PHF8: variants seen among roughly 807,000 people sequenced by gnomAD.
The protein encoded by PHF8 is histone lysine demethylase PHF8.
Under a neutral mutation model 74.4 loss-of-function variants are expected in PHF8, and 9 were observed. That is an observed-to-expected ratio of 0.12 (90% CI 0.07 to 0.21). The LOEUF is 0.21. Ranked by LOEUF, PHF8 falls within the 10% of genes least tolerant of loss-of-function variation. The pLI is 1.00. For missense variants in PHF8, 478 were observed against 816.6 expected (o/e 0.59, Z 5.05); for synonymous variants, 311 against 316.6 (o/e 0.98, Z 0.19).
intron 2 of PHF8, among the ~76,000 whole-genome samples, chrX:54,031,646 C>T (rs1029910298): frequency 3.6e-5 from 4 of 109,719 alleles, no homozygotes; most frequent in Admixed American, 2.9e-4. Flanking sequence ...TGCCCCATTA[C>T]TCTAGTCCCC....
Position 53,938,384 on chromosome X carries a change from A to T in PHF8, c.*774T>A. The T allele has an allele frequency of 4.6e-6, 4 of 877,305 alleles. No individual in the cohort carries two copies. Among genetic ancestry groups the T allele is most frequent in the Non-Finnish European group, 5.6e-6 (4 of 715,589 alleles). 72.3% of individuals were successfully genotyped at this position (877,305 alleles called of 1,213,427 possible). On this transcript the variant is annotated 3_prime_UTR_variant, in exon 22 of 22. Transcript: ENST00000338154. ...TTTCAAAATCCAGGCAAATCCCTGG[A>T]GCTCACCCTAAAACAAGTGGCCTCA...
rs142630105 is a variant in PHF8 at position 53,940,446 on chromosome X, C to A, written c.2720G>T (p.Arg907Leu). The A allele has an allele frequency of 8.3e-7, 1 of 1,207,970 alleles. No homozygotes were observed. The highest frequency in any genetic ancestry group is 2.2e-5 in the Admixed American group (1 of 45,877). The change falls in exon 21 of 22, where the codon CGC (arginine) becomes CTC (leucine). Residue 907 changes from arginine (R) to leucine (L), a missense_variant. By Grantham distance (102) the Arg-to-Leu change is moderately radical. Coordinates refer to ENST00000338154, the MANE Select transcript of PHF8 (RefSeq NM_015107.3). ...CAGACTGAGATTGGAGTCTTGAGGG[C>A]GAGGCTGTTCTACCTCCTTCAGCAA... ...KPLLKEVEQP[R>L]PQDSNLSLTV...
At chrX:54,035,420 G>C (rs1227833838) in intron 2 of PHF8, among the ~76,000 whole-genome samples, 1 of 105,025 alleles carries the variant, frequency 9.5e-6, no homozygotes, top group African/African-American at 3.7e-5. Flanking sequence ...AAAATGTCAA[G>C]AGCAGTTGCT....
chrX:53,973,971 G>C (rs1274601091), intron 18 of PHF8, among the ~76,000 whole-genome samples: 3 of 111,122 alleles, frequency 2.7e-5, no homozygotes, highest in African/African-American at 9.8e-5. Flanking sequence ...CTAAAAAGAA[G>C]ACATTCAGCC....
At chrX:53,977,120 A>G (rs1264858082) in intron 18 of PHF8, among the ~76,000 whole-genome samples, 1 of 112,012 alleles carries the variant, frequency 8.9e-6, no homozygotes, top group African/African-American at 3.2e-5. Flanking sequence ...GGATTACTTA[A>G]GGTCAGGAGT....
chrX:53,944,044 G>T (rs1436006794), intron 20 of PHF8, 90 bp downstream of exon 20: 11 of 551,627 alleles, frequency 2.0e-5, no homozygotes, highest in Non-Finnish European at 3.5e-5. Context: ...TGAGACAAAG[G>T]TGGGATCCTA....
At chrX:54,046,410 C>A (rs1275835052), upstream of PHF8, among the ~76,000 whole-genome samples, 8 of 110,007 alleles carry the variant, frequency 7.3e-5, no homozygotes, top group African/African-American at 2.3e-4. Context: ...TGGTGAAACG[C>A]CATATCTACT....
intron 19 of PHF8, among the ~76,000 whole-genome samples, chrX:53,958,124 C>T (rs1156932624): frequency 9.2e-6 from 1 of 108,814 alleles, no homozygotes; most frequent in Non-Finnish European, 1.9e-5. Context: ...TCACTGCAAC[C>T]GCCACCTCCC....
At chrX:53,993,995 C>T in intron 12 of PHF8, 92 bp from the exon 13 acceptor site, 1 of 659,058 alleles carries the variant, frequency 1.5e-6, no homozygotes, top group South Asian at 2.4e-5. Context: ...ACTGGTGGTA[C>T]TGCCATGGAA....
intron 8 of PHF8, among the ~76,000 whole-genome samples, chrX:54,008,486 CGAG>C (rs1332952814): frequency 4.6e-5 from 5 of 108,357 alleles, no homozygotes; most frequent in African/African-American, 1.7e-4. Context: ...GTTGGGAGTT[CGAG>C]ACCAGCCTGG....
At chrX:54,029,388 G>T (rs1287623787) in intron 2 of PHF8, among the ~76,000 whole-genome samples, 1 of 112,374 alleles carries the variant, frequency 8.9e-6, no homozygotes, top group Non-Finnish European at 1.9e-5. Flanking sequence ...TGCCTCTCTG[G>T]CTGAGCTCAC....
At position 53,985,734 on chromosome X, in the gene PHF8, G is replaced by C; in HGVS notation, c.2129+82C>G. ...TTAAATAGCTCTATAAATATCTACTGATTGGCTGACCTGGCACCTTGGGCG... is the reference window on the plus strand; with the variant it reads ...TTAAATAGCTCTATAAATATCTACTCATTGGCTGACCTGGCACCTTGGGCG... On this transcript the variant is annotated intron_variant, in intron 17 of 21. Transcript: ENST00000338154. 2.5e-6 allele frequency: 3 copies of C among 1,200,596 alleles called. No homozygotes were observed. In the African/African-American group the frequency reaches 5.2e-5, roughly 21 times the overall value.
chrX:54,002,309 GC>G (rs1202381772), intron 9 of PHF8, 48 bp from the exon 10 acceptor site: 1 of 779,407 alleles, frequency 1.3e-6, no homozygotes, highest in Admixed American at 2.3e-5. Context: ...CATTTACTGA[GC>G]ACCTACTATG....
chrX:54,032,760 T>C (rs1030925882), intron 2 of PHF8, among the ~76,000 whole-genome samples: 1 of 108,821 alleles, frequency 9.2e-6, no homozygotes, highest in African/African-American at 3.4e-5. Flanking sequence ...TATCTGATTT[T>C]CCCTATCTTC....
In PHF8 at chrX:53,938,728, G is replaced by A; in HGVS notation, c.*430C>T. Reference sequence around the variant, plus strand: ...GGGCAAACAGAATGGGTGGAGGTGGGCAGGCTTCTGGATATAGGGCTAGAG... The same window carrying A: ...GGGCAAACAGAATGGGTGGAGGTGGACAGGCTTCTGGATATAGGGCTAGAG... On this transcript the variant is annotated 3_prime_UTR_variant, in exon 22 of 22. Transcript: ENST00000338154. 2 of 762,693 alleles carry A rather than the reference G, an allele frequency of 2.6e-6. No homozygotes were observed. Among genetic ancestry groups the A allele is most frequent in the Non-Finnish European group, 3.1e-6 (2 of 645,181 alleles). 62.9% of individuals were successfully genotyped at this position (762,693 alleles called of 1,213,427 possible).
chrX:53,964,868 CA>C (rs782274910), intron 18 of PHF8, among the ~76,000 whole-genome samples: 164 of 37,776 alleles, frequency 4.3e-3, no homozygotes, highest in Middle Eastern at 0.02. Flanking sequence ...AACTCTGCCT[CA>C]AAAAAAAAAA....
chrX:53,952,467 G>A (rs1477214674), intron 19 of PHF8, among the ~76,000 whole-genome samples: 1 of 111,678 alleles, frequency 9.0e-6, no homozygotes, highest in African/African-American at 3.3e-5. Flanking sequence ...ATTACATAAA[G>A]CAATTACTAT....
chrX:53,957,465 G>A (rs1295015066), intron 19 of PHF8, among the ~76,000 whole-genome samples: 1 of 110,682 alleles, frequency 9.0e-6, no homozygotes, highest in Non-Finnish European at 1.9e-5. Context: ...AGGTTGCAGT[G>A]AGCCAAGATC....
In PHF8 at chrX:54,022,344, T is replaced by C; in HGVS notation, c.208A>G (p.Lys70Glu). Residue 70 changes from lysine to glutamate, a missense_variant, in exon 4 of 22, where the codon AAG (lysine) becomes GAG (glutamate). Coordinates refer to ENST00000338154, the MANE Select transcript of PHF8 (RefSeq NM_015107.3). ...TTCCCCTTGTGTGTATCATGCCCCT[T>C]TGAAGATCCACGGCGTTTTTTCACT... Reference protein sequence around the residue: ...SIMKKRRGSSKGHDTHKGKPV... With the variant: ...SIMKKRRGSSEGHDTHKGKPV... 3 of 1,201,930 alleles carry C rather than the reference T, an allele frequency of 2.5e-6. No homozygotes were observed. Among genetic ancestry groups the C allele is most frequent in the Non-Finnish European group, 3.4e-6 (3 of 886,614 alleles).
Sources: gnomAD v4.1 joint callset for allele counts (sites outside exome capture counted in the v4.1 genomes callset) on GRCh38, gnomAD v4.1.1 for gene constraint, MANE v1.5 for transcripts, NCBI Gene and HGNC (gene_info 2026-07-23, HGNC 2026-07-21) for gene names.